DAPK1: variants seen among roughly 807,000 people sequenced by gnomAD.
DAPK1 encodes the protein death associated protein kinase 1.
A neutral mutation model predicts 144.9 loss-of-function variants in DAPK1; 56 were observed. The ratio of observed to expected loss-of-function variants is 0.39; its 90% CI spans 0.31 to 0.48. DAPK1 has a LOEUF of 0.48. Ranked by LOEUF, DAPK1 falls within the 20% of genes least tolerant of loss-of-function variation. The pLI is 0.95. For missense variants in DAPK1, 1,454 were observed against 1,875.4 expected, an observed-to-expected ratio of 0.78 and a Z score of 4.15; for synonymous variants, 690 against 749.0, an observed-to-expected ratio of 0.92 and a Z score of 1.29.
At chr9:87,637,800 A>C in intron 3 of DAPK1, 143 bp from the exon 4 acceptor site, 2 of 895,196 alleles carry the variant, frequency 2.2e-6, no homozygotes, top group Non-Finnish European at 3.2e-6. Context: ...CTGCACAGAG[A>C]ATTCTGAATC....
intron 17 of DAPK1, chr9:87,657,348 C>G (rs1184314331): frequency 2.0e-5 from 3 of 152,940 alleles, no homozygotes; most frequent in Non-Finnish European, 2.9e-5. Flanking sequence ...TCAGAGTGGA[C>G]ACGGCCTCAT....
chr9:87,599,425 CAG>C (rs554253741), intron 2 of DAPK1, among the ~76,000 whole-genome samples: 4 of 152,308 alleles, frequency 2.6e-5, no homozygotes, highest in African/African-American at 9.6e-5. Flanking sequence ...GTGAGTCAGA[CAG>C]AGAAATTAGA....
At chr9:87,634,146 T>A (rs1352940457) in intron 3 of DAPK1, among the ~76,000 whole-genome samples, 5 of 152,234 alleles carry the variant, frequency 3.3e-5, no homozygotes, top group Non-Finnish European at 7.3e-5. Context: ...CATGTACATG[T>A]CATCTGTGGC....
chr9:87,689,627 T>G (rs1284262726), intron 21 of DAPK1, among the ~76,000 whole-genome samples: 2 of 152,192 alleles, frequency 1.3e-5, no homozygotes, highest in African/African-American at 2.4e-5. Context: ...TCTACTGGTT[T>G]TATAATTTAG....
chr9:87,633,386 CT>C, intron 3 of DAPK1: 3 of 985,140 alleles, frequency 3.0e-6, no homozygotes, highest in Non-Finnish European at 3.6e-6. Context: ...TACATAGGGC[CT>C]TCTGGGCATC....
intron 21 of DAPK1, among the ~76,000 whole-genome samples, chr9:87,689,942 C>A (rs1329554708): frequency 6.6e-6 from 1 of 152,112 alleles, no homozygotes; most frequent in African/African-American, 2.4e-5. Flanking sequence ...TAGTGAGATG[C>A]CTCTAGCTTT....
In DAPK1 at chr9:87,698,513, G is replaced by A. The variant is rs1333449582; in HGVS notation, c.2612-143G>A. ...TAGGGTCACAGTGCACAGCAGGCGT[G>A]GGGCCTTCATCTCTGTGGCATGTTG... On this transcript the variant is annotated intron_variant, in intron 22 of 25. Transcript: ENST00000408954. 24 of 663,970 alleles carry A rather than the reference G, an allele frequency of 3.6e-5. No homozygotes were observed. In the Admixed American group the frequency reaches 4.9e-4, roughly 14 times the overall value. 41.1% of individuals were successfully genotyped at this position (663,970 alleles called of 1,614,324 possible). A position where few individuals can be genotyped will look rare whatever the true frequency, so the allele number is the denominator to read the frequency against.
intron 18 of DAPK1, among the ~76,000 whole-genome samples, chr9:87,663,455 T>G (rs960089992): frequency 6.6e-6 from 1 of 151,956 alleles, no homozygotes; most frequent in Admixed American, 6.5e-5. Context: ...TGAAGCCAGC[T>G]CTTCCTTTTG....
At chr9:87,500,327 AAAT>A (rs1453728621) in intron 2 of DAPK1, among the ~76,000 whole-genome samples, 1 of 152,202 alleles carries the variant, frequency 6.6e-6, no homozygotes, top group African/African-American at 2.4e-5. Context: ...TCTGGTGAGT[AAAT>A]AAGGAAAGCT....
At chr9:87,614,108 T>C (rs1406970192) in intron 3 of DAPK1, among the ~76,000 whole-genome samples, 2 of 152,194 alleles carry the variant, frequency 1.3e-5, no homozygotes, top group Non-Finnish European at 2.9e-5. Flanking sequence ...AAACCCTGTG[T>C]GTGTCTTCCC....
At chr9:87,564,944 G>T (rs1424114865) in intron 2 of DAPK1, among the ~76,000 whole-genome samples, 1 of 152,184 alleles carries the variant, frequency 6.6e-6, no homozygotes, top group African/African-American at 2.4e-5. Context: ...AAGAGGAAGA[G>T]CTGATAGCCC....
At chr9:87,546,195 C>A (rs1035494547) in intron 2 of DAPK1, among the ~76,000 whole-genome samples, 4 of 152,052 alleles carry the variant, frequency 2.6e-5, no homozygotes, top group Admixed American at 6.6e-5. Flanking sequence ...TGGGAGATGA[C>A]CGTCAATGAA....
chr9:87,529,579 A>G (rs1341689944), intron 2 of DAPK1, among the ~76,000 whole-genome samples: 1 of 152,194 alleles, frequency 6.6e-6, no homozygotes, highest in East Asian at 1.9e-4. Flanking sequence ...TGGGGGATAT[A>G]TGGCACAGTC....
intron 2 of DAPK1, among the ~76,000 whole-genome samples, chr9:87,502,626 C>A (rs1824446942): frequency 6.6e-6 from 1 of 152,136 alleles, no homozygotes; most frequent in Admixed American, 6.5e-5. Context: ...TTTCCTATTG[C>A]ACCATCTGAC....
Position 87,643,377 on chromosome 9 carries a change from A to T in DAPK1, c.920A>T (p.Gln307Leu), listed in dbSNP as rs540024568. 3 of 1,533,902 alleles carry T rather than the reference A, an allele frequency of 2.0e-6. No homozygotes were observed. The change falls in exon 11 of 26, where the codon CAA becomes CTA. Residue 307 changes from glutamine (Q) to leucine (L), a missense_variant and splice_region_variant. Physicochemically the swap from Gln to Leu is moderately radical, Grantham distance 113. Coordinates refer to ENST00000408954, the MANE Select transcript of DAPK1 (RefSeq NM_004938.4). ...KKFAARKKWK[Q>L]SVRLISLCQR... is the part of the protein sequence containing the mutation. ...TTTTTTTTTTTTTTTAAAAAAAAGC[A>T]ATCCGTTCGCTTGATATCACTGTGC...
At chr9:87,540,297 C>T (rs1383026822) in intron 2 of DAPK1, among the ~76,000 whole-genome samples, 1 of 145,494 alleles carries the variant, frequency 6.9e-6, no homozygotes, top group African/African-American at 2.6e-5. Context: ...CCAAGTGATT[C>T]TCCTGCCTCA....
chr9:87,657,673 C>G (rs568582511), intron 17 of DAPK1: 1 of 299,052 alleles, frequency 3.3e-6, no homozygotes, highest in African/African-American at 2.2e-5. Context: ...TCTTCAATAT[C>G]TGTCTTCCAT....
intron 2 of DAPK1, among the ~76,000 whole-genome samples, chr9:87,599,036 C>T (rs1356134763): frequency 6.6e-6 from 1 of 152,184 alleles, no homozygotes; most frequent in East Asian, 1.9e-4. Context: ...AACCCCTGCC[C>T]TTTGCTTTCC....
intron 20 of DAPK1, among the ~76,000 whole-genome samples, chr9:87,684,202 G>C (rs1824746803): frequency 6.6e-6 from 1 of 152,216 alleles, no homozygotes; most frequent in South Asian, 2.1e-4. Flanking sequence ...TGTGTGTTGG[G>C]GGCCAACGGA....
Sources: gnomAD v4.1 joint callset for allele counts (sites outside exome capture counted in the v4.1 genomes callset) on GRCh38, gnomAD v4.1.1 for gene constraint, MANE v1.5 for transcripts, NCBI Gene and HGNC (gene_info 2026-07-23, HGNC 2026-07-21) for gene names.